The following CNTNAP5 variants were observed in gnomAD, a reference collection of about 807,000 sequenced individuals.
CNTNAP5 encodes contactin-associated protein-like 5.
In CNTNAP5, 72 loss-of-function variants were observed where a neutral mutation model predicts 150.2. The observed-to-expected ratio is 0.48, with a 90% confidence interval of 0.40 to 0.58. The LOEUF (loss-of-function observed/expected upper bound fraction) is 0.58. Ranked by LOEUF, CNTNAP5 falls within the 20% of genes least tolerant of loss-of-function variation. CNTNAP5 has a pLI of 0.00. For missense variants in CNTNAP5, 1,636 were observed against 1,626.2 expected, an observed-to-expected ratio of 1.01 and a Z score of -0.10; for synonymous variants, 672 against 619.8, an observed-to-expected ratio of 1.08 and a Z score of -1.25.
At chr2:124,687,401 C>T (rs1220367306) in intron 13 of CNTNAP5, among the ~76,000 whole-genome samples, 2 of 151,968 alleles carry the variant, frequency 1.3e-5, no homozygotes, top group African/African-American at 4.8e-5. Context: ...AGTTATTAAG[C>T]ATTTCATTAG....
intron 18 of CNTNAP5, among the ~76,000 whole-genome samples, chr2:124,796,605 C>A (rs1457175530): frequency 1.3e-5 from 2 of 152,130 alleles, no homozygotes; most frequent in Non-Finnish European, 2.9e-5. Context: ...AAATATGCAA[C>A]TTTAATTTTT....
intron 12 of CNTNAP5, among the ~76,000 whole-genome samples, chr2:124,638,661 T>C (rs1483243750): frequency 6.6e-6 from 1 of 152,212 alleles, no homozygotes; most frequent in Non-Finnish European, 1.5e-5. Flanking sequence ...CTCTCATTCC[T>C]ATTGCCTTCA....
chr2:124,738,127 A>G (rs1335851446), intron 13 of CNTNAP5, among the ~76,000 whole-genome samples: 1 of 152,172 alleles, frequency 6.6e-6, no homozygotes, highest in Non-Finnish European at 1.5e-5. Flanking sequence ...GTGAATCGGT[A>G]TAAGTTAAAC....
intron 13 of CNTNAP5, among the ~76,000 whole-genome samples, chr2:124,736,979 T>G (rs1179257488): frequency 5.3e-5 from 8 of 152,068 alleles, no homozygotes; most frequent in Non-Finnish European, 1.0e-4. Context: ...AATAATGATT[T>G]CAGGTTGTAG....
At chr2:124,209,835 T>C (rs1242329547) in intron 1 of CNTNAP5, among the ~76,000 whole-genome samples, 1 of 152,188 alleles carries the variant, frequency 6.6e-6, no homozygotes, top group Non-Finnish European at 1.5e-5. Flanking sequence ...AAGGAATTTC[T>C]TGCCTGGAGA....
chr2:124,347,147 C>T (rs571019183), intron 3 of CNTNAP5, among the ~76,000 whole-genome samples: 1 of 152,138 alleles, frequency 6.6e-6, no homozygotes, highest in South Asian at 2.1e-4. Context: ...GTTTTCTGAG[C>T]CACTATGTTT....
At chr2:124,419,300 A>C (rs76524201) in intron 4 of CNTNAP5, among the ~76,000 whole-genome samples, 2 of 151,880 alleles carry the variant, frequency 1.3e-5, no homozygotes, top group African/African-American at 4.8e-5. Context: ...AGTTGTACTT[A>C]TTTTTCATGC....
At chr2:124,317,833 ATGTGTG>A (rs146716724) in intron 3 of CNTNAP5, among the ~76,000 whole-genome samples, 1 of 151,436 alleles carries the variant, frequency 6.6e-6, no homozygotes, top group Admixed American at 6.6e-5. Context: ...GTAATGGAAC[ATGTGTG>A]TGTGTGTGTG....
chr2:124,642,201 G>A (rs1339153878), intron 12 of CNTNAP5, among the ~76,000 whole-genome samples: 2 of 152,106 alleles, frequency 1.3e-5, no homozygotes, highest in African/African-American at 2.4e-5. Flanking sequence ...ACACTGATGC[G>A]AATACAAAAT....
chr2:124,618,084 G>T (rs1677528013), intron 12 of CNTNAP5, among the ~76,000 whole-genome samples: 1 of 152,144 alleles, frequency 6.6e-6, no homozygotes, highest in Non-Finnish European at 1.5e-5. Context: ...GAACAGAAGA[G>T]AAAGGATCAA....
chr2:124,880,812 G>T (rs1302337386), intron 21 of CNTNAP5, among the ~76,000 whole-genome samples: 1 of 152,122 alleles, frequency 6.6e-6, no homozygotes, highest in African/African-American at 2.4e-5. Flanking sequence ...TACAGATGGA[G>T]TGTGCTTAAT....
chr2:124,809,351 A>T (rs1423408345), intron 19 of CNTNAP5, among the ~76,000 whole-genome samples: 2 of 151,844 alleles, frequency 1.3e-5, no homozygotes, highest in Non-Finnish European at 2.9e-5. Flanking sequence ...TAGATAGGAT[A>T]ATATATAAAC....
rs111443605 is a variant in CNTNAP5, at chr2:124,332,113, A to G, written c.382-85330A>G. On this transcript the variant is annotated intron_variant, in intron 3 of 23. Transcript: ENST00000682447. ...CAGATATATATGTTTTACTCATGTA[A>G]CTTTCTATAAATCTCTCTCTTCTAC... Among the ~76,000 whole-genome samples the G allele has an allele frequency of 3.8e-3, 581 of 151,760 alleles. 4 individuals carry two copies. Among genetic ancestry groups the G allele is most frequent in the African/African-American group, 0.013 (558 of 41,498 alleles).
chr2:124,679,712 G>C (rs1184095482), intron 13 of CNTNAP5, among the ~76,000 whole-genome samples: 1 of 151,526 alleles, frequency 6.6e-6, no homozygotes, highest in African/African-American at 2.4e-5. Context: ...GGGACTGCAG[G>C]CACCACCATG....
chr2:124,772,648 T>C lies in CNTNAP5; in HGVS notation c.2534-151T>C, dbSNP rs114629953. ...TATACACATTTAATTTGGTAGCTGT[T>C]ACTATTAATGGTGATTTCAGTGCTG... is the stretch of plus-strand genomic sequence containing the variant. On this transcript the variant is annotated intron_variant, in intron 16 of 23. Coordinates refer to ENST00000682447, the MANE Select transcript of CNTNAP5 (RefSeq NM_001367498.1). The C allele has an allele frequency of 2.8e-3, 1,738 of 631,444 alleles. 17 individuals carry two copies. Among genetic ancestry groups the C allele is most frequent in the African/African-American group, 0.023 (1,267 of 54,450 alleles). The allele number at this position is 631,444 out of a possible 1,614,324, so 39.1% of individuals were successfully genotyped here. A position where few individuals can be genotyped will look rare whatever the true frequency, so the allele number is the denominator to read the frequency against.
intron 13 of CNTNAP5, among the ~76,000 whole-genome samples, chr2:124,655,925 G>A (rs1198381708): frequency 1.0e-5 from 1 of 98,716 alleles, no homozygotes; most frequent in African/African-American, 3.9e-5. Flanking sequence ...AAGACAGAAA[G>A]AGAGAGAGAG....
At chr2:124,628,875 C>T (rs1014812385) in intron 12 of CNTNAP5, among the ~76,000 whole-genome samples, 1 of 152,104 alleles carries the variant, frequency 6.6e-6, no homozygotes, top group African/African-American at 2.4e-5. Flanking sequence ...GAAAATTTAT[C>T]AAGCAAACGG....
intron 7 of CNTNAP5, among the ~76,000 whole-genome samples, chr2:124,483,230 A>C (rs529211258): frequency 6.6e-6 from 1 of 152,194 alleles, no homozygotes; most frequent in Non-Finnish European, 1.5e-5. Flanking sequence ...TGGAGCCCCC[A>C]GGCTATGCTA....
In CNTNAP5 at chr2:124,869,695, C is replaced by G; in HGVS notation, c.3369C>G (p.Leu1123=). 1 of 1,611,924 alleles carries G rather than the reference C, an allele frequency of 6.2e-7. No individual in the cohort carries two copies. The highest frequency in any genetic ancestry group is 8.5e-7 in the Non-Finnish European group (1 of 1,178,592). ...LTIQMDQQLR[L]SYNFSPEVEF... ...TGCAGATGGACCAGCAACTTCGACT[C>G]AGTTATAACTTCTCTCCGGAAGTAG... Residue 1123 remains leucine, a synonymous_variant, in exon 21 of 24, where the codon CTC becomes CTG. Coordinates refer to ENST00000682447, the MANE Select transcript of CNTNAP5 (RefSeq NM_001367498.1).
Sources: gnomAD v4.1 joint callset for allele counts (sites outside exome capture counted in the v4.1 genomes callset) on GRCh38, gnomAD v4.1.1 for gene constraint, MANE v1.5 for transcripts, NCBI Gene and HGNC (gene_info 2026-07-23, HGNC 2026-07-21) for gene names.